Variants in TRAPPC10 observed in about 807,000 individuals in gnomAD.
TRAPPC10 encodes the protein trafficking protein particle complex subunit 10, also known as TRAPP 130 kDa subunit.
TRAPPC10 carries 23 observed loss-of-function variants against 125.5 expected under a neutral mutation model. The observed-to-expected ratio is 0.18, with a 90% CI of 0.13 to 0.26. The LOEUF is 0.26. Ranked by LOEUF, TRAPPC10 falls within the 10% of genes least tolerant of loss-of-function variation. TRAPPC10 has a pLI of 1.00. For synonymous variants in TRAPPC10, 509 were observed against 518.0 expected (o/e 0.98, Z 0.24); for missense variants, 1,123 against 1,308.4 (o/e 0.86, Z 2.19).
At chr21:44,016,490 A>G (rs1347961903) in intron 1 of TRAPPC10, among the ~76,000 whole-genome samples, 1 of 152,172 alleles carries the variant, frequency 6.6e-6, no homozygotes, top group Admixed American at 6.5e-5. Context: ...TGTTCTCATT[A>G]GTCACATCTG....
chr21:44,030,237 G>C (rs2033451622), intron 1 of TRAPPC10, among the ~76,000 whole-genome samples: 1 of 147,790 alleles, frequency 6.8e-6, no homozygotes, highest in Non-Finnish European at 1.5e-5. Flanking sequence ...GTGAGAGAGA[G>C]AGCGAGAGAG....
At chr21:44,050,221 C>A (rs539434944) in intron 3 of TRAPPC10, among the ~76,000 whole-genome samples, 1 of 152,102 alleles carries the variant, frequency 6.6e-6, no homozygotes, top group Admixed American at 6.5e-5. Context: ...TCTTGCCAAC[C>A]GGTTTGCCCC....
intron 7 of TRAPPC10, among the ~76,000 whole-genome samples, chr21:44,067,642 A>C (rs1048648562): frequency 1.3e-5 from 2 of 152,194 alleles, no homozygotes; most frequent in Non-Finnish European, 2.9e-5. Flanking sequence ...ACCTACCGGC[A>C]TGAGGTGCCA....
rs2038232754 is a variant in TRAPPC10 at position 44,087,627 on chromosome 21, C to T, written c.2540-72C>T. 3 of 1,400,454 alleles carry T rather than the reference C, an allele frequency of 2.1e-6. No individual in the cohort carries two copies. Among genetic ancestry groups the T allele is most frequent in the East Asian group, 4.6e-5 (2 of 43,672 alleles). The allele number at this position is 1,400,454 out of a possible 1,614,324, so 86.8% of individuals were successfully genotyped here. A position where few individuals can be genotyped will look rare whatever the true frequency, so the allele number is the denominator to read the frequency against. On this transcript the variant is annotated intron_variant, in intron 16 of 22. Transcript: ENST00000291574. The surrounding 1 kb of genome is among the most constrained non-coding windows in gnomAD (Gnocchi z 4.6). Reference sequence around the variant, plus strand: ...AGCAGTGGCCTCACTGCTGGGCCATCACCTGCTGTAAGGAAAAGGACAAGT... The same window carrying T: ...AGCAGTGGCCTCACTGCTGGGCCATTACCTGCTGTAAGGAAAAGGACAAGT...
At chr21:44,072,363 T>C (rs1196520945) in intron 7 of TRAPPC10, among the ~76,000 whole-genome samples, 2 of 152,236 alleles carry the variant, frequency 1.3e-5, no homozygotes, top group African/African-American at 2.4e-5. Flanking sequence ...GCTCCGCTGC[T>C]GTGGCTCCTG....
intron 4 of TRAPPC10, among the ~76,000 whole-genome samples, chr21:44,053,909 T>C (rs919391555): frequency 7.3e-6 from 1 of 136,472 alleles, no homozygotes; most frequent in East Asian, 2.1e-4. Context: ...AGTTCTTTTT[T>C]ACTTAAAAAA....
Position 44,087,632 on chromosome 21 carries a change from G to A in TRAPPC10, c.2540-67G>A. The stretch of plus-strand genomic sequence containing the variant: ...TGGCCTCACTGCTGGGCCATCACCT[G>A]CTGTAAGGAAAAGGACAAGTGAAAC... On this transcript the variant is annotated intron_variant, in intron 16 of 22. Coordinates refer to ENST00000291574, the MANE Select transcript of TRAPPC10 (RefSeq NM_003274.5). This position sits in a 1 kb window ranked among gnomAD's most constrained non-coding sequence, Gnocchi z 4.6. 6.9e-7 allele frequency: 1 copy of A among 1,444,514 alleles called. No individual in the cohort carries two copies. The highest frequency in any genetic ancestry group is 9.6e-7 in the Non-Finnish European group (1 of 1,039,650). 89.5% of individuals were successfully genotyped at this position (1,444,514 alleles called of 1,614,324 possible).
intron 2 of TRAPPC10, among the ~76,000 whole-genome samples, chr21:44,034,892 A>G (rs1050492216): frequency 4.6e-5 from 7 of 152,192 alleles, no homozygotes; most frequent in African/African-American, 1.7e-4. Context: ...AGAAGCTGGG[A>G]GAGAAGCAAG....
At position 44,017,150 on chromosome 21, in the gene TRAPPC10, T is replaced by C. The variant is rs150681544; in HGVS notation, c.67+4590T>C. Among the ~76,000 whole-genome samples, 89 of 152,326 alleles carry C rather than the reference T, an allele frequency of 5.8e-4. 1 individual carries two copies. In the East Asian group the frequency reaches 0.016, roughly 28 times the overall value. ...CAATGTTGAACCAAAGATTGAAAAG[T>C]AGGAGAAACATTCTTCTTAGGAAAT... On this transcript the variant is annotated intron_variant, in intron 1 of 22. Transcript: ENST00000291574.
In TRAPPC10 at chr21:44,062,986, T is replaced by C. The variant is rs145118923; in HGVS notation, c.791-552T>C. The C allele has an allele frequency of 7.1e-5, 93 of 1,303,150 alleles. No homozygotes were observed. The Admixed American group carries it at 2.1e-3, about 29-fold the overall frequency. The allele number at this position is 1,303,150 out of a possible 1,614,324, so 80.7% of individuals were successfully genotyped here. ...AACCTCTGGGAGCCTTGCTGAAATT[T>C]TCGACAAGCAGTAATTCTTTTTCCT... On this transcript the variant is annotated intron_variant, in intron 6 of 22. Transcript: ENST00000291574.
chr21:44,015,687 T>G (rs1322221571), intron 1 of TRAPPC10, among the ~76,000 whole-genome samples: 2 of 151,830 alleles, frequency 1.3e-5, no homozygotes, highest in Non-Finnish European at 2.9e-5. Context: ...CGATCTCGGC[T>G]CACTGCAACT....
chr21:44,094,235 TA>T lies in TRAPPC10; in HGVS notation c.3168+4del. The T allele has an allele frequency of 6.3e-7, 1 of 1,594,326 alleles. No homozygotes were observed. On this transcript the variant is annotated splice_donor_region_variant and intron_variant, in intron 20 of 22. Coordinates refer to ENST00000291574, the MANE Select transcript of TRAPPC10 (RefSeq NM_003274.5). ...GAATTTAAAGTGGAAAATTTTTTTG[TA>T]AGTGATGTATTATTTTGGGAGGGTG...
intron 3 of TRAPPC10, among the ~76,000 whole-genome samples, chr21:44,047,582 T>TG (rs1470685572): frequency 7.7e-6 from 1 of 130,312 alleles, no homozygotes; most frequent in Non-Finnish European, 1.5e-5. Context: ...ACACGCTACA[T>TG]GAAGTTCCAT....
intron 5 of TRAPPC10, among the ~76,000 whole-genome samples, chr21:44,056,479 C>G (rs769453499): frequency 2.3e-4 from 35 of 152,084 alleles, no homozygotes; most frequent in Non-Finnish European, 2.6e-4. Context: ...AGTGGGGAAA[C>G]CAGGTACATA....
intron 17 of TRAPPC10, chr21:44,089,519 G>A (rs565046571): frequency 1.6e-5 from 8 of 490,838 alleles, no homozygotes; most frequent in Admixed American, 4.6e-5. Context: ...GCGGCCCTGC[G>A]TGTATGGGAG....
At chr21:44,026,880 C>T (rs2033122914) in intron 1 of TRAPPC10, among the ~76,000 whole-genome samples, 1 of 152,152 alleles carries the variant, frequency 6.6e-6, no homozygotes, top group South Asian at 2.1e-4. Flanking sequence ...TCTCGTAGGC[C>T]ACAGCATTTC....
In TRAPPC10 at chr21:44,059,582, TC is replaced by T. The variant is rs1221325739; in HGVS notation, c.790+369del. 2.9e-6 allele frequency: 2 copies of T among 692,786 alleles called. No individual in the cohort carries two copies. The highest frequency in any genetic ancestry group is 3.6e-5 in the African/African-American group (2 of 55,638). 42.9% of individuals were successfully genotyped at this position (692,786 alleles called of 1,614,324 possible). ...CATCCAGGGGTTATCTTTGGAATGC[TC>T]GAGTGCTCATTGCTGTGAACTTATA... On this transcript the variant is annotated intron_variant, in intron 6 of 22. Coordinates refer to ENST00000291574, the MANE Select transcript of TRAPPC10 (RefSeq NM_003274.5). The surrounding 1 kb of genome is among the most constrained non-coding windows in gnomAD (Gnocchi z 4.4).
chr21:44,043,857 C>T (rs924416671), intron 3 of TRAPPC10, among the ~76,000 whole-genome samples: 4 of 152,210 alleles, frequency 2.6e-5, no homozygotes, highest in Middle Eastern at 3.2e-3. Context: ...CAAGCAGCCC[C>T]GTGGGAAGGC....
Position 44,052,268 on chromosome 21 carries a change from G to A in TRAPPC10, c.286-12G>A, listed in dbSNP as rs377061413. ...AGTTAACCTGCTTTCACAGTGACTTGTTTGTTTTTAGGATACCGAAGTGTA... is the reference window on the plus strand; with the variant it reads ...AGTTAACCTGCTTTCACAGTGACTTATTTGTTTTTAGGATACCGAAGTGTA... On this transcript the variant is annotated splice_polypyrimidine_tract_variant and intron_variant, in intron 3 of 22. Coordinates refer to ENST00000291574, the MANE Select transcript of TRAPPC10 (RefSeq NM_003274.5). 28 of 1,561,022 alleles carry A rather than the reference G, an allele frequency of 1.8e-5. No individual in the cohort carries two copies. The African/African-American group carries it at 3.9e-4, about 22-fold the overall frequency.
Sources: allele counts gnomAD v4.1 joint callset (sites outside exome capture counted in the v4.1 genomes callset), GRCh38; gene constraint gnomAD v4.1.1; non-coding constraint Gnocchi (gnomAD v3.1); transcripts MANE v1.5; gene names NCBI Gene and HGNC (gene_info 2026-07-23, HGNC 2026-07-21).